Variants in WDFY4 observed in about 807,000 individuals in gnomAD.
The protein encoded by WDFY4 is WDFY family member 4, also known as WD repeat- and FYVE domain-containing protein 4.
WDFY4 carries 169 observed loss-of-function variants against 351.9 expected under a neutral mutation model. That is an observed-to-expected ratio of 0.48 (90% confidence interval 0.42 to 0.55). The LOEUF (loss-of-function observed/expected upper bound fraction) is 0.55, where lower values mean the gene tolerates loss of function less well. WDFY4 is among the 20% of genes least tolerant of loss of function. WDFY4 has a pLI of 0.00. For missense variants in WDFY4, 3,803 were observed against 3,935.6 expected (o/e 0.97, Z 0.90); for synonymous variants, 1,622 against 1,574.6 (o/e 1.03, Z -0.71).
chr10:48,792,205 T>A (rs1277418342), intron 23 of WDFY4, among the ~76,000 whole-genome samples: 1 of 152,132 alleles, frequency 6.6e-6, no homozygotes. Context: ...ACCTCTTTTT[T>A]TCTCCCTCAA....
chr10:48,861,581 T>C (rs1162177587), intron 39 of WDFY4, among the ~76,000 whole-genome samples: 2 of 152,214 alleles, frequency 1.3e-5, no homozygotes, highest in Admixed American at 1.3e-4. Flanking sequence ...TACTTTCCCC[T>C]CTAGGTAAGG....
At chr10:48,777,340 T>C (rs1464323918) in intron 16 of WDFY4, 79 bp from the exon 17 acceptor site, 14 of 1,320,632 alleles carry the variant, frequency 1.1e-5, no homozygotes, top group Non-Finnish European at 1.5e-5. Flanking sequence ...AGTGGGAAGA[T>C]GTCATGGCCC....
intron 13 of WDFY4, among the ~76,000 whole-genome samples, chr10:48,768,632 A>G (rs74130629): frequency 0.042 from 6,385 of 151,724 alleles, 468 homozygotes; most frequent in African/African-American, 0.15. Flanking sequence ...ATTCTGTCTA[A>G]TGTCTAAGGC....
chr10:48,859,188 C>A (rs187325116), intron 39 of WDFY4, among the ~76,000 whole-genome samples: 14 of 152,208 alleles, frequency 9.2e-5, no homozygotes, highest in African/African-American at 2.4e-4. Flanking sequence ...TTATTTATTT[C>A]TTTTCAATCT....
At chr10:48,687,611 C>CTTTTTTTT (rs57413418) in intron 1 of WDFY4, among the ~76,000 whole-genome samples, 1 of 101,292 alleles carries the variant, frequency 9.9e-6, no homozygotes. Context: ...ATAGGCCATT[C>CTTTTTTTT]TTTTTTTTTT....
intron 1 of WDFY4, among the ~76,000 whole-genome samples, chr10:48,698,389 G>A (rs928370734): frequency 1.3e-5 from 2 of 152,214 alleles, no homozygotes; most frequent in African/African-American, 4.8e-5. Context: ...TGACAGTCCT[G>A]TTCCAGCTTT....
Position 48,729,737 on chromosome 10 carries a change from C to T in WDFY4, c.1129+148C>T. ...CAACCTTTGGGGAGGTTATGAATAT[C>T]TCCCATGGGACTTAGTGGAAACATT... On this transcript the variant is annotated intron_variant, in intron 8 of 61. Transcript: ENST00000325239. 6 of 1,085,242 alleles carry T rather than the reference C, an allele frequency of 5.5e-6. No homozygotes were observed. The South Asian group carries it at 1.1e-4, about 19-fold the overall frequency. 67.2% of individuals were successfully genotyped at this position (1,085,242 alleles called of 1,614,324 possible). A position where few individuals can be genotyped will look rare whatever the true frequency, so the allele number is the denominator to read the frequency against.
rs1841028714 is a variant in WDFY4, at chr10:48,946,053, C to A, written c.7763C>A (p.Ala2588Glu). Residue 2588 changes from alanine (A) to glutamate (E), a missense_variant, in exon 50 of 62, where the codon GCA (alanine) becomes GAA (glutamate). By Grantham distance (107) the Ala-to-Glu change is moderately radical. Around this residue, in one of 3 missense-constraint regions of WDFY4, gnomAD observed 3,054 missense variants for 3,148.6 expected, o/e 0.97. Transcript: ENST00000325239. ...ADYTSETLNL[A>E]NPKIFRDLSK... ...TCTGCCTTCTAGACATTGAACTTGG[C>A]AAATCCGAAGATTTTCCGGGATCTT... 1.3e-6 allele frequency: 2 copies of A among 1,544,138 alleles called. No individual in the cohort carries two copies. The highest frequency in any genetic ancestry group is 4.1e-5 in the Admixed American group (2 of 48,934).
intron 39 of WDFY4, among the ~76,000 whole-genome samples, chr10:48,839,744 G>C (rs116765032): frequency 6.6e-6 from 1 of 152,236 alleles, no homozygotes; most frequent in Non-Finnish European, 1.5e-5. Flanking sequence ...TATTCAGTGG[G>C]AGGAAAAGTC....
At chr10:48,936,031 G>A (rs1312267023) in intron 47 of WDFY4, among the ~76,000 whole-genome samples, 2 of 151,740 alleles carry the variant, frequency 1.3e-5, no homozygotes, top group African/African-American at 4.8e-5. Context: ...TGTATATGCA[G>A]AAATAAGAAA....
rs568571063 is a variant in WDFY4 at position 48,914,836 on chromosome 10, G to A, written c.7586+12973G>A. 7.9e-5 allele frequency among the ~76,000 whole-genome samples: 12 copies of A among 152,312 alleles called. No individual in the cohort carries two copies. The South Asian group carries it at 2.1e-3, about 26-fold the overall frequency. ...TCAGGGTGTGCCATTGCTGGGCCCA[G>A]CAGCACCATAACTCCCCATCATGAG... On this transcript the variant is annotated intron_variant, in intron 47 of 61. Coordinates refer to ENST00000325239, the MANE Select transcript of WDFY4 (RefSeq NM_001394531.1).
intron 51 of WDFY4, among the ~76,000 whole-genome samples, chr10:48,950,569 A>C (rs1157907949): frequency 6.6e-6 from 1 of 152,198 alleles, no homozygotes; most frequent in Non-Finnish European, 1.5e-5. Context: ...GGGAGGTCAC[A>C]TCCCTCAGGA....
intron 23 of WDFY4, among the ~76,000 whole-genome samples, chr10:48,793,398 C>A (rs1047336243): frequency 2.6e-5 from 4 of 152,148 alleles, no homozygotes; most frequent in Non-Finnish European, 4.4e-5. Context: ...ATATTTATGT[C>A]TTTGGGGAAA....
chr10:48,777,419 C>T lies in WDFY4; in HGVS notation c.3099C>T (p.Gly1033=), dbSNP rs551951674. 1 of 1,551,676 alleles carries T rather than the reference C, an allele frequency of 6.4e-7. No individual in the cohort carries two copies. Among genetic ancestry groups the T allele is most frequent in the South Asian group, 1.2e-5 (1 of 84,066 alleles). ...ATCTGAGACAATTTTCTATTTCCAG[C>T]TGTTTGTTTATTCCAACCCTGTCCA... ...VEFDMSVEGY[G]CLFIPTLSTV... The change falls in exon 17 of 62, where the codon GGC becomes GGT. Residue 1033 remains glycine, a splice_region_variant and synonymous_variant. Transcript: ENST00000325239.
At chr10:48,950,245 C>T (rs943404807) in intron 51 of WDFY4, among the ~76,000 whole-genome samples, 2 of 152,176 alleles carry the variant, frequency 1.3e-5, no homozygotes, top group African/African-American at 4.8e-5. Context: ...GTTCTACTTT[C>T]TGTCTCTATG....
In WDFY4 at chr10:48,974,998, C is replaced by T; in HGVS notation, c.9065C>T (p.Ala3022Val). 1 of 1,551,668 alleles carries T rather than the reference C, an allele frequency of 6.4e-7. No homozygotes were observed. The highest frequency in any genetic ancestry group is 1.4e-5 in the African/African-American group (1 of 73,144). ...CTCACCCACGTGACCCGCCTGCCCGCCCATCGGGAAGGCATCTCAGCCATC... is the reference window on the plus strand; with the variant it reads ...CTCACCCACGTGACCCGCCTGCCCGTCCATCGGGAAGGCATCTCAGCCATC... ...DHLTHVTRLP[A>V]HREGISAITI... Residue 3022 changes from alanine to valine, a missense_variant, in exon 58 of 62, where the codon GCC becomes GTC. By Grantham distance (64) the Ala-to-Val change is moderately conservative. This residue lies in a region of WDFY4 where 3,054 missense variants were observed against 3,148.6 expected (regional missense o/e 0.97). Coordinates refer to ENST00000325239, the MANE Select transcript of WDFY4 (RefSeq NM_001394531.1).
chr10:48,970,590 G>A (rs924650840), intron 57 of WDFY4, among the ~76,000 whole-genome samples: 2 of 152,210 alleles, frequency 1.3e-5, no homozygotes, highest in Non-Finnish European at 2.9e-5. Context: ...GCCACACACA[G>A]TCACTTCATG....
At chr10:48,930,899 C>A (rs1054157371) in intron 47 of WDFY4, among the ~76,000 whole-genome samples, 1 of 152,130 alleles carries the variant, frequency 6.6e-6, no homozygotes, top group Non-Finnish European at 1.5e-5. Context: ...CACACATGCA[C>A]CCCCATACCC....
intron 13 of WDFY4, among the ~76,000 whole-genome samples, chr10:48,766,435 A>T (rs67259209): frequency 0.078 from 11,811 of 152,222 alleles, 723 homozygotes; most frequent in Admixed American, 0.19. Flanking sequence ...AAAAAATTTT[A>T]AAAAATCAGC....
Sources: gnomAD v4.1 joint callset for allele counts (sites outside exome capture counted in the v4.1 genomes callset) on GRCh38, gnomAD v4.1.1 for gene constraint, gnomAD v4.1.1 regional missense constraint, MANE v1.5 for transcripts, NCBI Gene and HGNC (gene_info 2026-07-23, HGNC 2026-07-21) for gene names.